HERC2: variants seen among roughly 807,000 people sequenced by gnomAD.
HERC2 encodes the protein E3 ubiquitin-protein ligase HERC2.
Under a neutral mutation model 537.7 loss-of-function variants are expected in HERC2, and 102 were observed. That is an observed-to-expected ratio of 0.19 (90% CI 0.16 to 0.22). HERC2 has a LOEUF of 0.22. Ranked by LOEUF, HERC2 falls within the 10% of genes least tolerant of loss-of-function variation. The pLI, the probability that HERC2 is intolerant of heterozygous loss-of-function variation, is 1.00. For synonymous variants in HERC2, 2,224 were observed against 2,466.2 expected, an observed-to-expected ratio of 0.90 and a Z score of 2.91; for missense variants, 4,236 against 6,198.2, an observed-to-expected ratio of 0.68 and a Z score of 10.63.
rs149339003 is a variant in HERC2 at position 28,201,625 on chromosome 15, CTG to C, written c.7618-73_7618-72del. On this transcript the variant is annotated intron_variant, in intron 47 of 92. Coordinates refer to ENST00000261609, the MANE Select transcript of HERC2 (RefSeq NM_004667.6). The stretch of plus-strand genomic sequence containing the variant: ...TAAACCTACTCAAAAAGAAATAAGT[CTG>C]TGAAATCTATAATATTAAAAAGTAG... The C allele has an allele frequency of 1.2e-3, 1,104 of 936,256 alleles. 1 individual carries two copies. The African/African-American group carries it at 0.016, about 14-fold the overall frequency. The allele number at this position is 936,256 out of a possible 1,614,324, so 58.0% of individuals were successfully genotyped here.
rs1335411839 is a variant in HERC2 at position 28,239,841 on chromosome 15, C to T, written c.3578-1069G>A. 6.6e-5 allele frequency among the ~76,000 whole-genome samples: 10 copies of T among 152,268 alleles called. No homozygotes were observed. In the East Asian group the frequency reaches 1.7e-3, roughly 26 times the overall value. On this transcript the variant is annotated intron_variant, in intron 23 of 92. Transcript: ENST00000261609. Reference sequence around the variant, plus strand: ...TCTTTGAAAAAGAAAACGGTATGATCACAGGGAGAGGAGGGCCTGGAGCCA... The same window carrying T: ...TCTTTGAAAAAGAAAACGGTATGATTACAGGGAGAGGAGGGCCTGGAGCCA...
intron 2 of HERC2, among the ~76,000 whole-genome samples, chr15:28,311,304 A>C (rs1370667997): frequency 1.3e-5 from 2 of 152,150 alleles, no homozygotes; most frequent in African/African-American, 4.8e-5. Context: ...GTCTCTACAA[A>C]AAATACAAAA....
chr15:28,256,276 A>C lies in HERC2; in HGVS notation c.2559T>G (p.Leu853=). 6.3e-7 allele frequency: 1 copy of C among 1,597,330 alleles called. No homozygotes were observed. Among genetic ancestry groups the C allele is most frequent in the Non-Finnish European group, 8.5e-7 (1 of 1,179,636 alleles). ...AISHQVDPEF[L]GLGLGSILLN... ...GGAGGATGCTGCCCAGACCTAAACC[A>C]AGGAATTCCGGGTCAACCTGGTGAC... The change falls in exon 18 of 93, where the codon CTT becomes CTG. Residue 853 remains leucine (L), a synonymous_variant. Coordinates refer to ENST00000261609, the MANE Select transcript of HERC2 (RefSeq NM_004667.6).
chr15:28,243,956 A>G (rs1040878198), intron 23 of HERC2, among the ~76,000 whole-genome samples: 2 of 152,198 alleles, frequency 1.3e-5, no homozygotes, highest in African/African-American at 4.8e-5. Flanking sequence ...TGGGAGGATC[A>G]CTTGAGCCTA....
intron 68 of HERC2, among the ~76,000 whole-genome samples, chr15:28,163,658 T>C (rs2142448183): frequency 6.6e-6 from 1 of 152,326 alleles, no homozygotes; most frequent in Middle Eastern, 3.4e-3. Flanking sequence ...AGGGAATCGT[T>C]TACAAACTAA....
chr15:28,307,468 T>C (rs2076820817), intron 2 of HERC2, among the ~76,000 whole-genome samples: 1 of 152,238 alleles, frequency 6.6e-6, no homozygotes, highest in South Asian at 2.1e-4. Flanking sequence ...GGTTATTTAT[T>C]TGAAGTTTTT....
chr15:28,182,604 CAA>C lies in HERC2; in HGVS notation c.8826-94_8826-93del, dbSNP rs917944542. 15 of 975,334 alleles carry C rather than the reference CAA, an allele frequency of 1.5e-5. No individual in the cohort carries two copies. In the Admixed American group the frequency reaches 4.1e-4, roughly 26 times the overall value. 60.4% of individuals were successfully genotyped at this position (975,334 alleles called of 1,614,324 possible). A position where few individuals can be genotyped will look rare whatever the true frequency, so the allele number is the denominator to read the frequency against. On this transcript the variant is annotated intron_variant, in intron 56 of 92. Transcript: ENST00000261609. Reference sequence around the variant, plus strand: ...AAAAAGAAAAGCAACCTCAAGCACTCAAAGTTTTATGGTTACTTTCAGAAACT... The same window carrying C: ...AAAAAGAAAAGCAACCTCAAGCACTCAGTTTTATGGTTACTTTCAGAAACT...
intron 3 of HERC2, among the ~76,000 whole-genome samples, chr15:28,295,123 TA>T (rs1292507143): frequency 1.3e-5 from 2 of 152,104 alleles, no homozygotes; most frequent in Non-Finnish European, 1.5e-5. Flanking sequence ...CACCAAGTGC[TA>T]ACAAAGACAC....
chr15:28,160,400 C>A (rs553341974), intron 69 of HERC2, among the ~76,000 whole-genome samples: 1 of 152,194 alleles, frequency 6.6e-6, no homozygotes, highest in Admixed American at 6.5e-5. Flanking sequence ...GCTTCCGGGC[C>A]GCTTTGTTTA....
intron 30 of HERC2, among the ~76,000 whole-genome samples, chr15:28,232,560 A>G (rs1901991930): frequency 6.6e-6 from 1 of 152,062 alleles, no homozygotes; most frequent in South Asian, 2.1e-4. Context: ...AGAAAAAAAA[A>G]AAAAAGAATA....
chr15:28,207,284 G>A (rs1310664864), intron 44 of HERC2, among the ~76,000 whole-genome samples: 2 of 151,796 alleles, frequency 1.3e-5, no homozygotes, highest in Middle Eastern at 3.2e-3. Flanking sequence ...ACAGGCACAC[G>A]CCACCACGCC....
chr15:28,119,399 CAAAAAAAAAAAAAAAAAAAAAAAAAAA>C (rs201078187), intron 86 of HERC2, among the ~76,000 whole-genome samples: 122,183 of 134,220 alleles, frequency 0.91, 55,895 homozygotes, highest in Non-Finnish European at 0.99. Context: ...GACTCCCTCT[CAAAAAAAAAAAAAAAAAAAAAAAAAAA>C]AAAAAAAAAA....
At chr15:28,304,633 G>C (rs2076729307) in intron 2 of HERC2, among the ~76,000 whole-genome samples, 1 of 151,612 alleles carries the variant, frequency 6.6e-6, no homozygotes, top group Non-Finnish European at 1.5e-5. Flanking sequence ...CAAAGTGCTG[G>C]GATTACAGGT....
At chr15:28,170,500 T>C (rs1433925666) in intron 65 of HERC2, among the ~76,000 whole-genome samples, 2 of 152,202 alleles carry the variant, frequency 1.3e-5, no homozygotes, top group African/African-American at 2.4e-5. Flanking sequence ...CTACACCTTA[T>C]GCAAAATTAA....
chr15:28,286,986 G>A (rs902240669), intron 4 of HERC2, among the ~76,000 whole-genome samples: 1 of 152,162 alleles, frequency 6.6e-6, no homozygotes, highest in Non-Finnish European at 1.5e-5. Context: ...TGGAGAGAGC[G>A]GTGATAAAGC....
intron 5 of HERC2, among the ~76,000 whole-genome samples, chr15:28,277,463 T>TAAAA (rs34192629): frequency 1.5e-5 from 2 of 137,548 alleles, no homozygotes; most frequent in Non-Finnish European, 3.0e-5. Flanking sequence ...CACAATTATC[T>TAAAA]AAAAAAAAAA....
At chr15:28,163,360 A>T (rs936371816) in intron 68 of HERC2, 75 bp from the exon 69 acceptor site, 2 of 1,349,220 alleles carry the variant, frequency 1.5e-6, no homozygotes, top group Non-Finnish European at 2.1e-6. Context: ...GTTTACCCAT[A>T]AACTCAGAGA....
chr15:28,208,932 G>A (rs1478044093), intron 44 of HERC2, among the ~76,000 whole-genome samples: 4 of 152,162 alleles, frequency 2.6e-5, no homozygotes, highest in Non-Finnish European at 5.9e-5. Context: ...TCACAGAAAA[G>A]GACTTTCCCC....
chr15:28,261,768 C>G (rs953255949), intron 15 of HERC2, among the ~76,000 whole-genome samples: 1 of 152,092 alleles, frequency 6.6e-6, no homozygotes, highest in African/African-American at 2.4e-5. Flanking sequence ...GCTTAGAAAA[C>G]AATAAACACC....
Sources: allele counts gnomAD v4.1 joint callset (sites outside exome capture counted in the v4.1 genomes callset), GRCh38; gene constraint gnomAD v4.1.1; transcripts MANE v1.5; gene names NCBI Gene and HGNC (gene_info 2026-07-23, HGNC 2026-07-21).